Variants in FBXW2 observed in about 807,000 individuals in gnomAD.
FBXW2 encodes F-box and WD repeat domain containing 2.
FBXW2 carries 12 observed loss-of-function variants against 46.0 expected under a neutral mutation model. That is an observed-to-expected ratio of 0.26 (90% CI 0.17 to 0.42). The LOEUF (loss-of-function observed/expected upper bound fraction) is 0.42. Among genes scored for constraint, FBXW2 ranks in the 10% least tolerant of loss-of-function variants. The pLI is 1.00. For synonymous variants in FBXW2, 203 were observed against 209.6 expected (o/e 0.97, Z 0.27); for missense variants, 360 against 537.0 (o/e 0.67, Z 3.26).
Position 120,757,788 on chromosome 9 carries a change from T to G in FBXW2, c.*6771A>C, listed in dbSNP as rs1163024697. ...ACATCCCACTGGCAGGGACTACTCA[T>G]GTCTAATCACAGTGTGATCATTAAA... On this transcript the variant is annotated 3_prime_UTR_variant, in exon 8 of 8. Coordinates refer to ENST00000608872, the MANE Select transcript of FBXW2 (RefSeq NM_012164.4). The G allele has an allele frequency of 6.6e-6, 1 of 152,186 alleles. No individual in the cohort carries two copies. The highest frequency in any genetic ancestry group is 2.4e-5 in the African/African-American group (1 of 41,446). The allele number at this position is 152,186 out of a possible 1,614,324, so 9.4% of individuals were successfully genotyped here. A position where few individuals can be genotyped will look rare whatever the true frequency, so the allele number is the denominator to read the frequency against.
At chr9:120,776,001 C>T in intron 5 of FBXW2, 92 bp downstream of exon 5, 1 of 1,470,784 alleles carries the variant, frequency 6.8e-7, no homozygotes, top group Non-Finnish European at 9.2e-7. Context: ...CATCTTATGA[C>T]TCACCTAACA....
At chr9:120,768,486 G>A (rs2044314237) in intron 7 of FBXW2, among the ~76,000 whole-genome samples, 1 of 152,150 alleles carries the variant, frequency 6.6e-6, no homozygotes, top group Non-Finnish European at 1.5e-5. Flanking sequence ...ATAAAGTAGT[G>A]GTGAAATAAA....
intron 3 of FBXW2, among the ~76,000 whole-genome samples, chr9:120,783,157 C>A (rs967687330): frequency 4.6e-5 from 7 of 151,914 alleles, no homozygotes; most frequent in Non-Finnish European, 8.8e-5. Context: ...TATAGGAAAA[C>A]ATTGTGCCAG....
chr9:120,791,428 G>T (rs1458780422), intron 2 of FBXW2, among the ~76,000 whole-genome samples: 1 of 152,220 alleles, frequency 6.6e-6, no homozygotes, highest in African/African-American at 2.4e-5. Context: ...TTATGGGCAT[G>T]TCCAACTAAC....
At chr9:120,788,993 A>T (rs2044778682) in intron 2 of FBXW2, among the ~76,000 whole-genome samples, 1 of 152,158 alleles carries the variant, frequency 6.6e-6, no homozygotes, top group African/African-American at 2.4e-5. Context: ...ACCTCATATG[A>T]GCTAGTGACA....
At chr9:120,786,171 T>C (rs1381767108) in intron 3 of FBXW2, among the ~76,000 whole-genome samples, 2 of 152,142 alleles carry the variant, frequency 1.3e-5, no homozygotes, top group Admixed American at 6.5e-5. Flanking sequence ...TGAATATGCA[T>C]TGATATGGTT....
chr9:120,787,549 G>A (rs1179627967), intron 3 of FBXW2, among the ~76,000 whole-genome samples: 4 of 152,048 alleles, frequency 2.6e-5, no homozygotes, highest in Admixed American at 2.0e-4. Context: ...TTAAAAGACA[G>A]TCTGAAGTGT....
At chr9:120,774,749 C>T (rs1450661554) in intron 5 of FBXW2, among the ~76,000 whole-genome samples, 2 of 152,156 alleles carry the variant, frequency 1.3e-5, no homozygotes, top group Admixed American at 6.5e-5. Flanking sequence ...AAACATAGAT[C>T]GCACCAGACA....
chr9:120,771,521 C>A lies in FBXW2; in HGVS notation c.907-4G>T. On this transcript the variant is annotated splice_polypyrimidine_tract_variant and splice_region_variant and intron_variant, in intron 6 of 7. Coordinates refer to ENST00000608872, the MANE Select transcript of FBXW2 (RefSeq NM_012164.4). ...TTTCTCTCCCAATTGGCCAAATCTA[C>A]AGAAAAAAGAAAATGAGGAAAGATG... The A allele has an allele frequency of 6.2e-7, 1 of 1,604,290 alleles. No individual in the cohort carries two copies. Among genetic ancestry groups the A allele is most frequent in the South Asian group, 1.1e-5 (1 of 89,670 alleles).
At chr9:120,783,678 T>C (rs1003111658) in intron 3 of FBXW2, among the ~76,000 whole-genome samples, 1 of 152,230 alleles carries the variant, frequency 6.6e-6, no homozygotes. Context: ...CCAGTGTGTA[T>C]GTTCCACAAG....
At chr9:120,780,410 T>A (rs2044587206) in intron 3 of FBXW2, among the ~76,000 whole-genome samples, 1 of 152,040 alleles carries the variant, frequency 6.6e-6, no homozygotes, top group African/African-American at 2.4e-5. Flanking sequence ...TAACTCAGTA[T>A]GTCAAAAATG....
intron 2 of FBXW2, chr9:120,792,798 T>G: frequency 1.7e-6 from 2 of 1,144,174 alleles, no homozygotes; most frequent in Non-Finnish European, 2.4e-6. Flanking sequence ...CGGCACGCTG[T>G]AAGCCTACAG....
intron 7 of FBXW2, among the ~76,000 whole-genome samples, chr9:120,766,123 C>T (rs1437964369): frequency 6.6e-6 from 1 of 152,088 alleles, no homozygotes; most frequent in Non-Finnish European, 1.5e-5. Flanking sequence ...TTAAGGACAC[C>T]ACCAAACTAG....
In FBXW2 at chr9:120,793,347, T is replaced by TACAG. The variant is rs964527148; in HGVS notation, c.-130+3_-130+6dup. 76 of 418,316 alleles carry TACAG rather than the reference T, an allele frequency of 1.8e-4. No individual in the cohort carries two copies. Among genetic ancestry groups the TACAG allele is most frequent in the African/African-American group, 1.2e-3 (61 of 48,822 alleles). 25.9% of individuals were successfully genotyped at this position (418,316 alleles called of 1,614,324 possible). On this transcript the variant is annotated splice_region_variant and intron_variant, in intron 1 of 7. Transcript: ENST00000608872. ...CCTCCCCGACCGGCCCCGCCTCGCA[T>TACAG]ACAGACCCGGACCTGCGGCCGCTGC...
rs2044545309 is a variant in FBXW2 at position 120,778,430 on chromosome 9, G to A, written c.606C>T (p.Gly202=). Residue 202 remains glycine (G), a synonymous_variant, in exon 4 of 8, where the codon GGC becomes GGT. Coordinates refer to ENST00000608872, the MANE Select transcript of FBXW2 (RefSeq NM_012164.4). ...AGCAAGCCACAGTGTTGTCAAAGGA[G>A]CCTGTCACAAGCTTCTGTTCATCAA... The part of the protein sequence containing the change: ...VKFDEQKLVT[G]SFDNTVACWE... The A allele has an allele frequency of 1.9e-6, 3 of 1,614,098 alleles. No homozygotes were observed. In the East Asian group the frequency reaches 6.7e-5, roughly 36 times the overall value.
rs900419153 is a variant in FBXW2, at chr9:120,787,618, G to T, written c.490+151C>A. On this transcript the variant is annotated intron_variant, in intron 3 of 7. Coordinates refer to ENST00000608872, the MANE Select transcript of FBXW2 (RefSeq NM_012164.4). ...TCTCTAGAGAGAAGGAAGAGGATAA[G>T]GGGGGGGAACCACTCAGGATTAGAG... The T allele has an allele frequency of 2.3e-5, 15 of 664,284 alleles. 1 individual carries two copies. The highest frequency in any genetic ancestry group is 3.7e-5 in the African/African-American group (2 of 53,710). 41.1% of individuals were successfully genotyped at this position (664,284 alleles called of 1,614,324 possible).
Position 120,772,060 on chromosome 9 carries a change from GA to G in FBXW2, c.907-544del, listed in dbSNP as rs59520792. On this transcript the variant is annotated intron_variant, in intron 6 of 7. Transcript: ENST00000608872. ...GGTGACAGAGTGAGACCCTGTCTCAGAAAAAAAAAAAAAAAAAAAAAAAGAG... is the reference window on the plus strand; with the variant it reads ...GGTGACAGAGTGAGACCCTGTCTCAGAAAAAAAAAAAAAAAAAAAAAAGAG... Among the ~76,000 whole-genome samples the G allele has an allele frequency of 7.8e-3, 401 of 51,302 alleles. 2 individuals carry two copies. Among genetic ancestry groups the G allele is most frequent in the African/African-American group, 0.023 (325 of 14,294 alleles). 33.7% of individuals were successfully genotyped at this position (51,302 alleles called of 152,430 possible). A position where few individuals can be genotyped will look rare whatever the true frequency, so the allele number is the denominator to read the frequency against.
chr9:120,786,740 T>C (rs919151315), intron 3 of FBXW2, among the ~76,000 whole-genome samples: 2 of 152,204 alleles, frequency 1.3e-5, no homozygotes, highest in Non-Finnish European at 2.9e-5. Context: ...AAGAACTGCC[T>C]GGAGTTATTC....
intron 3 of FBXW2, among the ~76,000 whole-genome samples, chr9:120,779,458 C>T (rs549907036): frequency 5.7e-4 from 87 of 152,244 alleles, no homozygotes; most frequent in Non-Finnish European, 9.3e-4. Context: ...AGTCAAGAAC[C>T]ACTGTTTGAG....
Sources: allele counts gnomAD v4.1 joint callset (sites outside exome capture counted in the v4.1 genomes callset), GRCh38; gene constraint gnomAD v4.1.1; transcripts MANE v1.5; gene names NCBI Gene and HGNC (gene_info 2026-07-23, HGNC 2026-07-21).